The following PPP2R2B variants were observed in gnomAD, a reference collection of about 807,000 sequenced individuals.
The protein encoded by PPP2R2B is protein phosphatase 2 regulatory subunit Bbeta, also known as serine/threonine-protein phosphatase 2A 55 kDa regulatory subunit B beta isoform.
PPP2R2B carries 5 observed loss-of-function variants against 46.0 expected under a neutral mutation model. The ratio of observed to expected loss-of-function variants is 0.11; its 90% CI spans 0.06 to 0.23. PPP2R2B has a LOEUF of 0.23. PPP2R2B is among the 10% of genes least tolerant of loss of function. PPP2R2B has a pLI of 1.00. For missense variants in PPP2R2B, 367 were observed against 575.0 expected, an observed-to-expected ratio of 0.64 and a Z score of 3.70; for synonymous variants, 215 against 206.7, an observed-to-expected ratio of 1.04 and a Z score of -0.34.
intron 2 of PPP2R2B, among the ~76,000 whole-genome samples, chr5:146,839,189 A>G (rs983173832): frequency 2.6e-5 from 4 of 152,166 alleles, no homozygotes; most frequent in African/African-American, 9.6e-5. Flanking sequence ...CTTATGCAAT[A>G]CTCAAGTCAA....
chr5:146,937,982 T>G (rs1252309823), intron 1 of PPP2R2B, among the ~76,000 whole-genome samples: 1 of 152,160 alleles, frequency 6.6e-6, no homozygotes, highest in Non-Finnish European at 1.5e-5. Flanking sequence ...GAACAAAAGT[T>G]GAATTGAATT....
chr5:146,701,947 C>A (rs1779565384), intron 2 of PPP2R2B, among the ~76,000 whole-genome samples: 1 of 151,620 alleles, frequency 6.6e-6, no homozygotes, highest in Admixed American at 6.6e-5. Flanking sequence ...GGTAAATTAC[C>A]TATGATTGGA....
At position 146,589,806 on chromosome 5, in the gene PPP2R2B, G is replaced by T; in HGVS notation, c.*141C>A. On this transcript the variant is annotated 3_prime_UTR_variant, in exon 10 of 10. Coordinates refer to ENST00000394411, the MANE Select transcript of PPP2R2B (RefSeq NM_181675.4). ...TTAGAACTGGGGAGCTGGGAATGTT[G>T]GACTCCTTTTAATTCTATTCCAATC... 2.2e-6 allele frequency: 2 copies of T among 901,254 alleles called. No individual in the cohort carries two copies. The highest frequency in any genetic ancestry group is 3.4e-6 in the Non-Finnish European group (2 of 595,312). The allele number at this position is 901,254 out of a possible 1,614,324, so 55.8% of individuals were successfully genotyped here.
chr5:146,628,896 T>C (rs1774237529), intron 7 of PPP2R2B, among the ~76,000 whole-genome samples: 1 of 152,144 alleles, frequency 6.6e-6, no homozygotes, highest in East Asian at 1.9e-4. Flanking sequence ...ATCACTGTCT[T>C]CTCTCAGCTT....
intron 2 of PPP2R2B, among the ~76,000 whole-genome samples, chr5:146,868,438 A>G (rs1016849829): frequency 5.9e-5 from 9 of 152,204 alleles, no homozygotes; most frequent in African/African-American, 1.9e-4. Flanking sequence ...ATCAGAACAT[A>G]TCAAAGAGAC....
intron 7 of PPP2R2B, among the ~76,000 whole-genome samples, chr5:146,634,425 C>A (rs1208099008): frequency 6.6e-6 from 1 of 152,086 alleles, no homozygotes; most frequent in Non-Finnish European, 1.5e-5. Flanking sequence ...ACCTCTGTAT[C>A]CCAGGTTCAA....
chr5:146,600,081 CT>C (rs1203009305), intron 8 of PPP2R2B, among the ~76,000 whole-genome samples: 1 of 152,194 alleles, frequency 6.6e-6, no homozygotes, highest in African/African-American at 2.4e-5. Flanking sequence ...ATGAAGTGCT[CT>C]GTCCATATCA....
chr5:146,667,013 T>C (rs1777020962), intron 5 of PPP2R2B, among the ~76,000 whole-genome samples: 3 of 152,176 alleles, frequency 2.0e-5, no homozygotes, highest in African/African-American at 7.2e-5. Flanking sequence ...GGAAATGGTA[T>C]GTGTGTGAAT....
chr5:146,792,227 T>C (rs1356613080), intron 2 of PPP2R2B, among the ~76,000 whole-genome samples: 1 of 152,200 alleles, frequency 6.6e-6, no homozygotes, highest in Non-Finnish European at 1.5e-5. Flanking sequence ...TAATTTTTGA[T>C]TAAGCAAACT....
intron 5 of PPP2R2B, among the ~76,000 whole-genome samples, chr5:146,689,800 G>A (rs1339910108): frequency 1.3e-5 from 2 of 152,154 alleles, no homozygotes; most frequent in African/African-American, 4.8e-5. Flanking sequence ...TGATAAGGTG[G>A]ACTTACATGG....
intron 5 of PPP2R2B, among the ~76,000 whole-genome samples, chr5:146,682,655 G>A (rs953350467): frequency 6.6e-6 from 1 of 152,160 alleles, no homozygotes; most frequent in African/African-American, 2.4e-5. Context: ...CTAGCAGAAG[G>A]CCTGGCACAT....
intron 2 of PPP2R2B, among the ~76,000 whole-genome samples, chr5:146,850,379 G>A (rs1321596299): frequency 6.6e-6 from 1 of 152,066 alleles, no homozygotes; most frequent in Non-Finnish European, 1.5e-5. Flanking sequence ...CTACATTTAA[G>A]CATTTAAATG....
intron 1 of PPP2R2B, among the ~76,000 whole-genome samples, chr5:147,041,116 T>C (rs1283297360): frequency 6.6e-6 from 1 of 152,208 alleles, no homozygotes; most frequent in Non-Finnish European, 1.5e-5. Context: ...CCTGGTAGTT[T>C]ACACTAATTC....
chr5:146,942,119 G>C (rs1402600961), intron 1 of PPP2R2B, among the ~76,000 whole-genome samples: 3 of 152,154 alleles, frequency 2.0e-5, no homozygotes, highest in African/African-American at 7.2e-5. Flanking sequence ...ATTTTAACTT[G>C]ATTTTTCAGA....
chr5:146,690,948 G>A (rs545866887), intron 5 of PPP2R2B, among the ~76,000 whole-genome samples, 180 bp downstream of exon 5: 3 of 152,350 alleles, frequency 2.0e-5, no homozygotes, highest in South Asian at 4.1e-4. Flanking sequence ...GTCATTAGAA[G>A]GCTTGGCACC....
intron 4 of PPP2R2B, among the ~76,000 whole-genome samples, chr5:146,693,915 G>C (rs1318065344): frequency 6.6e-6 from 1 of 152,172 alleles, no homozygotes; most frequent in East Asian, 1.9e-4. Context: ...CTGTAACACT[G>C]TCAGGGGAGA....
intron 2 of PPP2R2B, among the ~76,000 whole-genome samples, chr5:146,808,875 C>T (rs534569440): frequency 6.6e-6 from 1 of 152,232 alleles, no homozygotes; most frequent in East Asian, 1.9e-4. Context: ...ATAGGACAGA[C>T]CGTCTGCAGG....
chr5:146,933,185 T>G (rs1345325518), intron 1 of PPP2R2B, among the ~76,000 whole-genome samples: 1 of 152,182 alleles, frequency 6.6e-6, no homozygotes, highest in Non-Finnish European at 1.5e-5. Flanking sequence ...GATTGGAAAA[T>G]AATCCCATGT....
chr5:146,650,719 A>C lies in PPP2R2B; in HGVS notation c.453T>G (p.Pro151=). 6.2e-7 allele frequency: 1 copy of C among 1,612,598 alleles called. No homozygotes were observed. Residue 151 remains proline, a synonymous_variant, in exon 6 of 10, where the codon CCT becomes CCG. Transcript: ENST00000394411. Reference sequence around the variant, plus strand: ...CCATCAGGTCCATGGGTCTCAGGACAGGCACCTGGGATGCAAGAGAAACAA... The same window carrying C: ...CCATCAGGTCCATGGGTCTCAGGACCGGCACCTGGGATGCAAGAGAAACAA... ...DPATITTLRV[P]VLRPMDLMVE...
Sources: gnomAD v4.1 joint callset for allele counts (sites outside exome capture counted in the v4.1 genomes callset) on GRCh38, gnomAD v4.1.1 for gene constraint, MANE v1.5 for transcripts, NCBI Gene and HGNC (gene_info 2026-07-23, HGNC 2026-07-21) for gene names.